CCDC171: variants seen among roughly 807,000 people sequenced by gnomAD.
CCDC171 encodes the protein coiled-coil domain containing 171.
In CCDC171, 177 loss-of-function variants were observed where a neutral mutation model predicts 168.2. The observed-to-expected ratio is 1.05, with a 90% confidence interval of 0.93 to 1.19. The LOEUF (loss-of-function observed/expected upper bound fraction) is 1.19, where lower values mean the gene tolerates loss of function less well. Among genes scored for constraint, CCDC171 ranks in the 50% most tolerant of loss-of-function variants. The pLI is 0.00. For synonymous variants in CCDC171, 687 were observed against 540.8 expected, an observed-to-expected ratio of 1.27 and a Z score of -3.75; for missense variants, 1,991 against 1,539.0, an observed-to-expected ratio of 1.29 and a Z score of -4.91.
At chr9:16,000,772 A>T (rs1832517830) in intron 3 of CCDC171, among the ~76,000 whole-genome samples, 1 of 152,082 alleles carries the variant, frequency 6.6e-6, no homozygotes, top group Admixed American at 6.6e-5. Context: ...GTGTATGACA[A>T]CTACTCTCTC....
intron 24 of CCDC171, among the ~76,000 whole-genome samples, chr9:15,894,656 A>G (rs1820667764): frequency 6.6e-6 from 1 of 152,016 alleles, no homozygotes; most frequent in African/African-American, 2.4e-5. Context: ...AACACAGTGC[A>G]CATAGGCCCA....
At chr9:16,022,155 T>A (rs1278397084) in intron 4 of CCDC171, among the ~76,000 whole-genome samples, 1 of 152,286 alleles carries the variant, frequency 6.6e-6, no homozygotes, top group African/African-American at 2.4e-5. Context: ...GTGAGCAGTA[T>A]TGTAGAATAG....
intron 4 of CCDC171, among the ~76,000 whole-genome samples, chr9:15,582,495 G>C (rs1029912952): frequency 1.3e-5 from 2 of 152,056 alleles, no homozygotes; most frequent in Admixed American, 1.3e-4. Flanking sequence ...GTTTATTGTG[G>C]CACTGTTCAC....
intron 4 of CCDC171, among the ~76,000 whole-genome samples, chr9:16,021,333 A>G (rs1833157642): frequency 1.3e-5 from 2 of 152,168 alleles, no homozygotes; most frequent in African/African-American, 4.8e-5. Context: ...TGATCCACCT[A>G]CCTTGGCCTC....
intron 25 of CCDC171, among the ~76,000 whole-genome samples, chr9:15,925,960 TTATTTGAGG>T (rs1564010886): frequency 6.6e-6 from 1 of 151,670 alleles, no homozygotes; most frequent in African/African-American, 2.4e-5. Context: ...TAAGTGGACA[TTATTTGAGG>T]TATGGAGACA....
At chr9:15,751,192 G>T (rs1000835015) in intron 18 of CCDC171, among the ~76,000 whole-genome samples, 1 of 152,090 alleles carries the variant, frequency 6.6e-6, no homozygotes, top group African/African-American at 2.4e-5. Flanking sequence ...GCTACAAAGA[G>T]AATAAAATAC....
In CCDC171 at chr9:15,846,817, A is replaced by G. The variant is rs770162988; in HGVS notation, c.3383A>G (p.Asp1128Gly). The change falls in exon 22 of 26, where the codon GAT (aspartate) becomes GGT (glycine). Residue 1128 changes from aspartate (D) to glycine (G), a missense_variant. Transcript: ENST00000380701. ...DKRRLEENIH[D>G]AESALRMAAK... ...CGTCGACTGGAGGAGAACATCCATG[A>G]TGCAGAGAGTGCCCTCCGCATGGCA... 4.7e-5 allele frequency: 75 copies of G among 1,609,900 alleles called. No homozygotes were observed. The highest frequency in any genetic ancestry group is 6.2e-5 in the Non-Finnish European group (73 of 1,177,904).
rs1293717083 is a variant in CCDC171, at chr9:15,847,166, A to G, written c.3413+319A>G. 2.0e-5 allele frequency among the ~76,000 whole-genome samples: 3 copies of G among 152,192 alleles called. No homozygotes were observed. The East Asian group carries it at 5.8e-4, about 29-fold the overall frequency. ...TAAGACTCTAAAAGTTTTGCATAGTATCTTCTGTTATACATTCCTATTCTC... is the reference window on the plus strand; with the variant it reads ...TAAGACTCTAAAAGTTTTGCATAGTGTCTTCTGTTATACATTCCTATTCTC... On this transcript the variant is annotated intron_variant, in intron 22 of 25. Coordinates refer to ENST00000380701, the MANE Select transcript of CCDC171 (RefSeq NM_173550.4).
chr9:15,634,214 A>G (rs1465183635), intron 7 of CCDC171, among the ~76,000 whole-genome samples: 1 of 152,134 alleles, frequency 6.6e-6, no homozygotes, highest in Non-Finnish European at 1.5e-5. Flanking sequence ...CACACAAAAA[A>G]AAGAAAAATA....
intron 8 of CCDC171, among the ~76,000 whole-genome samples, chr9:15,657,461 C>G (rs1392061409): frequency 6.6e-6 from 1 of 152,160 alleles, no homozygotes; most frequent in African/African-American, 2.4e-5. Context: ...GAAGTTTTGT[C>G]TTGTCCATAG....
intron 3 of CCDC171, among the ~76,000 whole-genome samples, chr9:15,979,927 AT>A (rs78902915): frequency 0.42 from 62,876 of 151,366 alleles, 13,191 homozygotes; most frequent in South Asian, 0.52. Context: ...CTTTGTGGGA[AT>A]TTTTTTTATT....
intron 18 of CCDC171, among the ~76,000 whole-genome samples, chr9:15,762,794 C>G (rs959166077): frequency 6.6e-6 from 1 of 152,096 alleles, no homozygotes; most frequent in Non-Finnish European, 1.5e-5. Flanking sequence ...GTCAGTCACC[C>G]CTGCTCCTAC....
intron 15 of CCDC171, among the ~76,000 whole-genome samples, chr9:15,729,166 G>C (rs1373073691): frequency 6.6e-6 from 1 of 152,112 alleles, no homozygotes; most frequent in East Asian, 1.9e-4. Flanking sequence ...AGAAAATGAG[G>C]ATTTTCTTTC....
chr9:15,888,602 T>C (rs1819754293), intron 24 of CCDC171, among the ~76,000 whole-genome samples: 1 of 152,206 alleles, frequency 6.6e-6, no homozygotes, highest in Non-Finnish European at 1.5e-5. Flanking sequence ...ATTTACACAA[T>C]GAATTGTTAA....
intron 1 of CCDC171, among the ~76,000 whole-genome samples, chr9:16,055,945 A>AT (rs1263938125): frequency 2.0e-5 from 3 of 152,238 alleles, no homozygotes; most frequent in Non-Finnish European, 2.9e-5. Flanking sequence ...TGTACCCTCT[A>AT]TATGCCAACA....
At chr9:15,585,184 C>T (rs1345128196) in intron 4 of CCDC171, among the ~76,000 whole-genome samples, 1 of 152,124 alleles carries the variant, frequency 6.6e-6, no homozygotes, top group Non-Finnish European at 1.5e-5. Flanking sequence ...AAAAACCTGG[C>T]CGTTTCTTTT....
At chr9:16,053,340 G>A (rs532661818) in intron 1 of CCDC171, among the ~76,000 whole-genome samples, 110 of 152,304 alleles carry the variant, frequency 7.2e-4, no homozygotes, top group African/African-American at 1.9e-3. Context: ...TCCACCTCCC[G>A]GCATCATGGC....
At chr9:15,559,170 G>C (rs2039061657) in intron 1 of CCDC171, among the ~76,000 whole-genome samples, 1 of 152,112 alleles carries the variant, frequency 6.6e-6, no homozygotes, top group Non-Finnish European at 1.5e-5. Flanking sequence ...GTCAATTTTG[G>C]AATAAGTGTG....
chr9:15,846,145 T>C (rs2060884278), intron 21 of CCDC171, among the ~76,000 whole-genome samples: 1 of 152,096 alleles, frequency 6.6e-6, no homozygotes, highest in South Asian at 2.1e-4. Flanking sequence ...AGCAAGTAGA[T>C]TTTATTTTGG....
Sources: gnomAD v4.1 joint callset for allele counts (sites outside exome capture counted in the v4.1 genomes callset) on GRCh38, gnomAD v4.1.1 for gene constraint, MANE v1.5 for transcripts, NCBI Gene and HGNC (gene_info 2026-07-23, HGNC 2026-07-21) for gene names.